Variants in QTMAN observed in about 807,000 individuals in gnomAD.
QTMAN encodes the protein queuosine-tRNA mannosyltransferase.
At chr2:144,003,181 C>G in the QTMAN span, among the ~76,000 whole-genome samples, 154 of 151,952 alleles carry the variant, frequency 1.0e-3, 4 homozygotes, top group South Asian at 0.031. Flanking sequence ...TCCCAACAAA[C>G]AAGAGCTCTT....
chr2:144,133,264 TAA>T, the QTMAN span, among the ~76,000 whole-genome samples: 7 of 70,622 alleles, frequency 9.9e-5, no homozygotes, highest in African/African-American at 4.1e-4. Flanking sequence ...TAAATATATA[TAA>T]ATATATATTT....
chr2:144,224,793 C>T, the QTMAN span, among the ~76,000 whole-genome samples: 1 of 152,156 alleles, frequency 6.6e-6, no homozygotes, highest in African/African-American at 2.4e-5. Flanking sequence ...CTTTATTCAA[C>T]AAGCATTTAT....
At chr2:144,252,717 C>T in the QTMAN span, among the ~76,000 whole-genome samples, 1 of 152,250 alleles carries the variant, frequency 6.6e-6, no homozygotes, top group African/African-American at 2.4e-5. Flanking sequence ...CATGCTCTTA[C>T]CATGCAATCC....
the QTMAN span, among the ~76,000 whole-genome samples, chr2:144,271,755 C>T: frequency 6.6e-6 from 1 of 152,134 alleles, no homozygotes; most frequent in Non-Finnish European, 1.5e-5. Context: ...TACCCTCCTC[C>T]CTTTAAAAAA....
chr2:144,117,075 T>C, the QTMAN span, among the ~76,000 whole-genome samples: 2 of 152,182 alleles, frequency 1.3e-5, no homozygotes, highest in Non-Finnish European at 2.9e-5. Context: ...AGTTCTCCTA[T>C]GGACAGCACC....
chr2:144,066,170 T>C, the QTMAN span, among the ~76,000 whole-genome samples: 1 of 152,186 alleles, frequency 6.6e-6, no homozygotes, highest in South Asian at 2.1e-4. Context: ...TTTTTTTCTT[T>C]TTTTATTATA....
the QTMAN span, among the ~76,000 whole-genome samples, chr2:144,050,646 TTTAAATGAC>T: frequency 6.6e-6 from 1 of 152,198 alleles, no homozygotes; most frequent in Non-Finnish European, 1.5e-5. Flanking sequence ...TCATTCTTGT[TTTAAATGAC>T]AATAACTGAG....
chr2:144,097,224 C>T, the QTMAN span, among the ~76,000 whole-genome samples: 1 of 152,198 alleles, frequency 6.6e-6, no homozygotes, highest in African/African-American at 2.4e-5. Context: ...GTTCTATCTG[C>T]TAACACATTT....
chr2:144,236,892 A>G, the QTMAN span, among the ~76,000 whole-genome samples: 1 of 152,084 alleles, frequency 6.6e-6, no homozygotes, highest in Non-Finnish European at 1.5e-5. Context: ...ACCAAAAAAA[A>G]GGGGTGGGGT....
the QTMAN span, among the ~76,000 whole-genome samples, chr2:144,097,952 G>A: frequency 2.0e-5 from 3 of 152,092 alleles, no homozygotes; most frequent in East Asian, 1.9e-4. Flanking sequence ...TCCTCCATGC[G>A]GTCTGAAGGC....
the QTMAN span, among the ~76,000 whole-genome samples, chr2:144,245,729 T>A: frequency 6.6e-6 from 1 of 152,202 alleles, no homozygotes; most frequent in Non-Finnish European, 1.5e-5. Context: ...TAAAATTGTT[T>A]CAGACTATTC....
At chr2:144,163,711 T>C in the QTMAN span, among the ~76,000 whole-genome samples, 1 of 152,188 alleles carries the variant, frequency 6.6e-6, no homozygotes, top group Admixed American at 6.5e-5. Context: ...CATCTCCATA[T>C]TTGTTTAAAA....
chr2:144,124,996 T>C, the QTMAN span, among the ~76,000 whole-genome samples: 2 of 152,126 alleles, frequency 1.3e-5, no homozygotes, highest in Admixed American at 1.3e-4. Flanking sequence ...TTCAGAGTAT[T>C]GCTAAGTCAT....
the QTMAN span, among the ~76,000 whole-genome samples, chr2:144,327,443 G>A: frequency 2.0e-5 from 3 of 151,986 alleles, no homozygotes; most frequent in Admixed American, 1.3e-4. Flanking sequence ...GAAAAATAAC[G>A]AGCTACCATT....
At chr2:144,138,282 A>T in the QTMAN span, among the ~76,000 whole-genome samples, 2 of 152,076 alleles carry the variant, frequency 1.3e-5, no homozygotes, top group African/African-American at 2.4e-5. Context: ...CCTGACTAAA[A>T]CTATTTCAGT....
chr2:144,328,359 T>G, the QTMAN span, among the ~76,000 whole-genome samples: 2 of 152,246 alleles, frequency 1.3e-5, no homozygotes, highest in South Asian at 4.1e-4. Flanking sequence ...ATTGTCTGAT[T>G]CTATATCCTA....
chr2:143,975,305 T>TA, the QTMAN span, among the ~76,000 whole-genome samples: 2 of 152,220 alleles, frequency 1.3e-5, no homozygotes, highest in African/African-American at 4.8e-5. Flanking sequence ...ACTTGTCACT[T>TA]ACACTGAACT....
At chr2:144,173,256 T>C in the QTMAN span, among the ~76,000 whole-genome samples, 2,134 of 152,304 alleles carry the variant, frequency 0.014, 52 homozygotes, top group African/African-American at 0.049. Context: ...CTTGTATTCA[T>C]GCCCTGTGTA....
the QTMAN span, among the ~76,000 whole-genome samples, chr2:144,013,456 C>A: frequency 6.6e-6 from 1 of 151,970 alleles, no homozygotes; most frequent in African/African-American, 2.4e-5. Context: ...ATAGAGATTG[C>A]AAAAAGAATG....
Sources: gnomAD v4.1 joint callset for allele counts (sites outside exome capture counted in the v4.1 genomes callset) on GRCh38, gnomAD v4.1.1 for gene constraint, MANE v1.5 for transcripts, NCBI Gene and HGNC (gene_info 2026-07-23, HGNC 2026-07-21) for gene names.